The following ACBD6 variants were observed in gnomAD, a reference collection of about 807,000 sequenced individuals.
ACBD6 encodes acyl-CoA-binding domain-containing protein 6.
A neutral mutation model predicts 37.2 loss-of-function variants in ACBD6; 28 were observed. The observed-to-expected ratio is 0.75, with a 90% CI of 0.56 to 1.03. The LOEUF is 1.03. ACBD6 is among the 50% of genes least tolerant of loss of function. The pLI is 0.00. For missense variants in ACBD6, 340 were observed against 337.4 expected, an observed-to-expected ratio of 1.01 and a Z score of -0.06; for synonymous variants, 113 against 126.8, an observed-to-expected ratio of 0.89 and a Z score of 0.73.
intron 5 of ACBD6, among the ~76,000 whole-genome samples, chr1:180,401,071 A>C (rs1231219797): frequency 1.3e-5 from 2 of 152,162 alleles, no homozygotes. Flanking sequence ...CTTTGTTTCT[A>C]ATTTTTAAAA....
chr1:180,374,326 A>C (rs1375055201), intron 6 of ACBD6, among the ~76,000 whole-genome samples: 1 of 152,198 alleles, frequency 6.6e-6, no homozygotes, highest in Non-Finnish European at 1.5e-5. Flanking sequence ...TTTAGAGAAG[A>C]GTTTAGTATT....
At chr1:180,400,077 T>C (rs898531429) in intron 5 of ACBD6, among the ~76,000 whole-genome samples, 3 of 152,266 alleles carry the variant, frequency 2.0e-5, no homozygotes, top group Admixed American at 6.5e-5. Flanking sequence ...TAGGGTTATA[T>C]CAACTAAAGC....
chr1:180,370,344 T>C (rs1653214492), intron 6 of ACBD6, among the ~76,000 whole-genome samples: 1 of 152,196 alleles, frequency 6.6e-6, no homozygotes, highest in Non-Finnish European at 1.5e-5. Context: ...TGTGTGTGCA[T>C]ATGCACATGT....
chr1:180,348,261 T>C (rs938410329), intron 6 of ACBD6, among the ~76,000 whole-genome samples: 6 of 152,214 alleles, frequency 3.9e-5, no homozygotes, highest in Non-Finnish European at 8.8e-5. Context: ...TAGCAGCGGC[T>C]ATCTGTGGGA....
At chr1:180,418,542 C>A (rs937108513) in intron 4 of ACBD6, among the ~76,000 whole-genome samples, 2 of 151,810 alleles carry the variant, frequency 1.3e-5, no homozygotes, top group African/African-American at 4.8e-5. Flanking sequence ...TCACACCACT[C>A]CAGCCTAGGC....
In ACBD6 at chr1:180,314,735, C is replaced by A; in HGVS notation, c.664-13G>T. 1 of 1,524,526 alleles carries A rather than the reference C, an allele frequency of 6.6e-7. No homozygotes were observed. The highest frequency in any genetic ancestry group is 9.1e-7 in the Non-Finnish European group (1 of 1,101,672). The allele number at this position is 1,524,526 out of a possible 1,614,324, so 94.4% of individuals were successfully genotyped here. ...GGCCTTCATTGTCCTATAAAAGAAA[C>A]AAATAATACATTTTAGAAGTCTAAG... is the stretch of plus-strand genomic sequence containing the variant. On this transcript the variant is annotated splice_polypyrimidine_tract_variant and intron_variant, in intron 6 of 7. Coordinates refer to ENST00000367595, the MANE Select transcript of ACBD6 (RefSeq NM_032360.4).
intron 6 of ACBD6, among the ~76,000 whole-genome samples, chr1:180,317,656 T>C (rs1453571324): frequency 6.6e-6 from 1 of 152,160 alleles, no homozygotes; most frequent in Non-Finnish European, 1.5e-5. Flanking sequence ...TGGTGAGACA[T>C]GGAGAGAGAA....
Position 180,502,113 on chromosome 1 carries a change from G to A in ACBD6, c.154C>T (p.His52Tyr), listed in dbSNP as rs1403842519. Residue 52 changes from histidine to tyrosine, a missense_variant, in exon 1 of 8, where the codon CAC becomes TAC. His to Tyr is a moderately conservative substitution (Grantham distance 83). Transcript: ENST00000367595. ...GCCACCTGAATCAGGCCTTGCAGGT[G>A]CGCGGCAGCCTTCTCAAACAGCTCG... is the stretch of plus-strand genomic sequence containing the variant. ...LAELFEKAAA[H>Y]LQGLIQVASR... 1 of 1,613,812 alleles carries A rather than the reference G, an allele frequency of 6.2e-7. No homozygotes were observed. Among genetic ancestry groups the A allele is most frequent in the East Asian group, 2.2e-5 (1 of 44,878 alleles).
At chr1:180,420,695 A>G (rs1478791371) in intron 4 of ACBD6, among the ~76,000 whole-genome samples, 4 of 152,294 alleles carry the variant, frequency 2.6e-5, no homozygotes, top group South Asian at 2.1e-4. Flanking sequence ...AAAAAGAATC[A>G]ATGGAACCAA....
intron 6 of ACBD6, among the ~76,000 whole-genome samples, chr1:180,350,480 T>C (rs1212082064): frequency 6.6e-6 from 1 of 152,172 alleles, no homozygotes; most frequent in Non-Finnish European, 1.5e-5. Flanking sequence ...CCAAAATTAA[T>C]ACAAGGGTAT....
At chr1:180,306,342 A>C (rs574512025) in intron 7 of ACBD6, among the ~76,000 whole-genome samples, 68 of 152,300 alleles carry the variant, frequency 4.5e-4, no homozygotes, top group African/African-American at 1.5e-3. Context: ...TATGTTGTTC[A>C]AGGGTCAACT....
At chr1:180,398,321 A>C (rs1301078539) in intron 5 of ACBD6, among the ~76,000 whole-genome samples, 1 of 152,146 alleles carries the variant, frequency 6.6e-6, no homozygotes, top group Non-Finnish European at 1.5e-5. Flanking sequence ...TTTTTCTGGA[A>C]AGAAATCATA....
chr1:180,357,687 T>C (rs1652681211), intron 6 of ACBD6, among the ~76,000 whole-genome samples: 2 of 152,196 alleles, frequency 1.3e-5, no homozygotes, highest in South Asian at 4.1e-4. Context: ...CAGGTCTCAG[T>C]AGAGGTTCCC....
At chr1:180,404,470 A>G (rs1366278567) in intron 5 of ACBD6, among the ~76,000 whole-genome samples, 1 of 151,298 alleles carries the variant, frequency 6.6e-6, no homozygotes, top group Admixed American at 6.6e-5. Context: ...ACATATGTGT[A>G]TTTTTGAGAC....
chr1:180,371,299 G>A (rs1172667199), intron 6 of ACBD6, among the ~76,000 whole-genome samples: 2 of 152,000 alleles, frequency 1.3e-5, no homozygotes, highest in African/African-American at 4.8e-5. Flanking sequence ...AAATACAACT[G>A]TATATGGGAA....
chr1:180,480,500 C>G (rs1312457341), intron 3 of ACBD6, among the ~76,000 whole-genome samples: 1 of 152,112 alleles, frequency 6.6e-6, no homozygotes, highest in Non-Finnish European at 1.5e-5. Context: ...AGGAAAGAAG[C>G]AGAAGAAAGC....
At chr1:180,380,102 A>C (rs1026787768) in intron 6 of ACBD6, among the ~76,000 whole-genome samples, 1 of 152,146 alleles carries the variant, frequency 6.6e-6, no homozygotes, top group Non-Finnish European at 1.5e-5. Context: ...TTCTACAAAA[A>C]ATAAACAAGT....
chr1:180,415,601 A>C (rs1485833893), intron 4 of ACBD6, among the ~76,000 whole-genome samples: 1 of 152,192 alleles, frequency 6.6e-6, no homozygotes, highest in African/African-American at 2.4e-5. Context: ...CTACTCGCCA[A>C]TTGTTTCTGA....
intron 10 of ACBD6, chr1:180,274,610 C>T (rs745959693): frequency 1.3e-6 from 2 of 1,526,378 alleles, no homozygotes; most frequent in Non-Finnish European, 1.8e-6. Flanking sequence ...ACCTGCCCCC[C>T]TGGCTTGAGA....
Sources: gnomAD v4.1 joint callset for allele counts (sites outside exome capture counted in the v4.1 genomes callset) on GRCh38, gnomAD v4.1.1 for gene constraint, MANE v1.5 for transcripts, NCBI Gene and HGNC (gene_info 2026-07-23, HGNC 2026-07-21) for gene names.